ANGPT1: variants seen among roughly 807,000 people sequenced by gnomAD.
ANGPT1 encodes the protein angiopoietin-1.
Under a neutral mutation model 62.2 loss-of-function variants are expected in ANGPT1, and 17 were observed. The observed-to-expected ratio is 0.27, with a 90% CI of 0.19 to 0.41. The LOEUF (loss-of-function observed/expected upper bound fraction) is 0.41. ANGPT1 is among the 10% of genes least tolerant of loss of function. The probability of loss-of-function intolerance (pLI) is 1.00; values close to 1 mark genes in which losing one functional copy is unlikely to be tolerated. For synonymous variants in ANGPT1, 199 were observed against 198.9 expected (o/e 1.00, Z 0.00); for missense variants, 478 against 594.9 (o/e 0.80, Z 2.04).
intron 1 of ANGPT1, among the ~76,000 whole-genome samples, chr8:107,368,167 A>G (rs1563589560): frequency 6.6e-6 from 1 of 152,196 alleles, no homozygotes; most frequent in Admixed American, 6.6e-5. Flanking sequence ...CATGGGTTAC[A>G]GGATGGATAT....
chr8:107,258,435 G>T (rs1813419617), intron 8 of ANGPT1, among the ~76,000 whole-genome samples: 1 of 152,094 alleles, frequency 6.6e-6, no homozygotes, highest in African/African-American at 2.4e-5. Context: ...CCATTAGAAA[G>T]AGCTCAATAA....
intron 4 of ANGPT1, among the ~76,000 whole-genome samples, chr8:107,308,944 C>T (rs978938051): frequency 2.0e-5 from 3 of 152,156 alleles, no homozygotes; most frequent in African/African-American, 7.2e-5. Context: ...CACCACCAGA[C>T]TGACTTCAGG....
At chr8:107,371,921 C>T (rs1031409774) in intron 1 of ANGPT1, among the ~76,000 whole-genome samples, 24 of 152,068 alleles carry the variant, frequency 1.6e-4, no homozygotes, top group Admixed American at 9.2e-4. Context: ...GCTGTTTGCT[C>T]AATTAAATTC....
intron 1 of ANGPT1, among the ~76,000 whole-genome samples, chr8:107,401,323 A>AT (rs1256160820): frequency 1.3e-5 from 2 of 151,956 alleles, no homozygotes; most frequent in Admixed American, 6.6e-5. Context: ...CATTAATTAT[A>AT]TTTTTTTAAA....
chr8:107,429,777 G>A lies in ANGPT1; in HGVS notation c.297+67485C>T, dbSNP rs188606024. Reference sequence around the variant, plus strand: ...CAAAGGATCGTCACTGTTTTTAATAGAGTCAAGGAGTTTTCTGTAGACTAA... The same window carrying A: ...CAAAGGATCGTCACTGTTTTTAATAAAGTCAAGGAGTTTTCTGTAGACTAA... On this transcript the variant is annotated intron_variant, in intron 1 of 8. Coordinates refer to ENST00000517746, the MANE Select transcript of ANGPT1 (RefSeq NM_001146.5). 1.5e-3 allele frequency among the ~76,000 whole-genome samples: 226 copies of A among 152,102 alleles called. 2 individuals carry two copies. Among genetic ancestry groups the A allele is most frequent in the African/African-American group, 5.3e-3 (220 of 41,492 alleles).
chr8:107,306,467 T>A (rs1357116183), intron 4 of ANGPT1, among the ~76,000 whole-genome samples: 1 of 152,170 alleles, frequency 6.6e-6, no homozygotes, highest in East Asian at 1.9e-4. Context: ...ACGATTTATA[T>A]GTCAACATGT....
At chr8:107,335,760 G>A (rs1457385610) in intron 3 of ANGPT1, among the ~76,000 whole-genome samples, 1 of 152,098 alleles carries the variant, frequency 6.6e-6, no homozygotes, top group Non-Finnish European at 1.5e-5. Context: ...CCTAAGAATT[G>A]GGGTTTGAGT....
intron 3 of ANGPT1, among the ~76,000 whole-genome samples, chr8:107,328,297 G>A (rs1815336261): frequency 6.6e-6 from 1 of 151,960 alleles, no homozygotes; most frequent in South Asian, 2.1e-4. Context: ...TACTTTACGT[G>A]TCTAATTGGA....
chr8:107,453,910 A>G (rs1461284575), intron 1 of ANGPT1, among the ~76,000 whole-genome samples: 2 of 152,086 alleles, frequency 1.3e-5, no homozygotes, highest in Non-Finnish European at 2.9e-5. Flanking sequence ...CATAGTTTTA[A>G]AAAATAAATT....
intron 4 of ANGPT1, among the ~76,000 whole-genome samples, chr8:107,309,816 T>C (rs1442453300): frequency 3.3e-5 from 5 of 152,164 alleles, no homozygotes; most frequent in African/African-American, 9.6e-5. Flanking sequence ...AAAATGGCAA[T>C]TGAATATGGT....
In ANGPT1 at chr8:107,413,302, C is replaced by T. The variant is rs1333093292; in HGVS notation, c.298-66205G>A. ...CTTCTTCCTGGTCCCCTTGGAACAG[C>T]TTCAGGCTGGAAGGCAGACCTGCTC... On this transcript the variant is annotated intron_variant, in intron 1 of 8. Coordinates refer to ENST00000517746, the MANE Select transcript of ANGPT1 (RefSeq NM_001146.5). Among the ~76,000 whole-genome samples the T allele has an allele frequency of 3.9e-5, 6 of 152,268 alleles. No individual in the cohort carries two copies. The East Asian group carries it at 9.7e-4, about 25-fold the overall frequency.
At chr8:107,373,052 A>T (rs567830279) in intron 1 of ANGPT1, among the ~76,000 whole-genome samples, 1 of 152,288 alleles carries the variant, frequency 6.6e-6, no homozygotes, top group South Asian at 2.1e-4. Context: ...ACAAATGGTG[A>T]CTACATGCAA....
In ANGPT1 at chr8:107,321,979, G is replaced by T; in HGVS notation, c.725C>A (p.Thr242Asn). Residue 242 changes from threonine to asparagine, a missense_variant, in exon 4 of 9, where the codon ACC (threonine) becomes AAC (asparagine). Physicochemically the swap from Thr to Asn is moderately conservative, Grantham distance 65. Coordinates refer to ENST00000517746, the MANE Select transcript of ANGPT1 (RefSeq NM_001146.5). ...CTGCTTCTGAAGGACACTGTTGTTG[G>T]TGGTAGCTCTGTTTAATTGCTTTTC... ...ELEKQLNRATTNNSVLQKQQL... is the reference protein window; with the variant it reads ...ELEKQLNRATNNNSVLQKQQL... The T allele has an allele frequency of 6.2e-7, 1 of 1,613,984 alleles. No homozygotes were observed. The highest frequency in any genetic ancestry group is 1.1e-5 in the South Asian group (1 of 91,076).
At chr8:107,449,038 G>A (rs1254398853) in intron 1 of ANGPT1, among the ~76,000 whole-genome samples, 1 of 152,012 alleles carries the variant, frequency 6.6e-6, no homozygotes, top group Non-Finnish European at 1.5e-5. Context: ...CATGAATCCT[G>A]AGGAGCACAG....
chr8:107,333,956 GA>G (rs1249536149), intron 3 of ANGPT1, among the ~76,000 whole-genome samples: 5 of 106,212 alleles, frequency 4.7e-5, no homozygotes, highest in African/African-American at 6.8e-5. Context: ...AAGAAAGAAA[GA>G]AAAGAAAGAA....
Position 107,284,861 on chromosome 8 carries a change from A to T in ANGPT1, c.1039-13T>A. On this transcript the variant is annotated splice_polypyrimidine_tract_variant and intron_variant, in intron 6 of 8. Coordinates refer to ENST00000517746, the MANE Select transcript of ANGPT1 (RefSeq NM_001146.5). ...GATTTCCAAAACCCTGGGAAACAAT[A>T]TAGAGATGCAGTTGTTACTTTAGAG... 1 of 1,562,352 alleles carries T rather than the reference A, an allele frequency of 6.4e-7. No individual in the cohort carries two copies.
chr8:107,400,052 T>C (rs148795659), intron 1 of ANGPT1, among the ~76,000 whole-genome samples: 2 of 152,176 alleles, frequency 1.3e-5, no homozygotes, highest in East Asian at 1.9e-4. Context: ...TCTTAACATG[T>C]AGGTATTTAT....
chr8:107,394,982 C>G (rs1233582449), intron 1 of ANGPT1, among the ~76,000 whole-genome samples: 1 of 151,932 alleles, frequency 6.6e-6, no homozygotes, highest in African/African-American at 2.4e-5. Context: ...AGCAGTAGCT[C>G]TCTATCTATA....
intron 1 of ANGPT1, among the ~76,000 whole-genome samples, chr8:107,456,618 C>T (rs887973933): frequency 2.0e-5 from 3 of 151,892 alleles, no homozygotes; most frequent in South Asian, 2.1e-4. Flanking sequence ...GAAGGTGAAA[C>T]GTACAACAAA....
Sources: gnomAD v4.1 joint callset for allele counts (sites outside exome capture counted in the v4.1 genomes callset) on GRCh38, gnomAD v4.1.1 for gene constraint, MANE v1.5 for transcripts, NCBI Gene and HGNC (gene_info 2026-07-23, HGNC 2026-07-21) for gene names.